BMERB1: variants seen among roughly 807,000 people sequenced by gnomAD.
BMERB1 encodes bMERB domain-containing protein 1.
BMERB1 carries 12 observed loss-of-function variants against 23.6 expected under a neutral mutation model. The ratio of observed to expected loss-of-function variants is 0.51; its 90% CI spans 0.33 to 0.82. BMERB1 has a LOEUF of 0.82. Among genes scored for constraint, BMERB1 ranks in the 40% least tolerant of loss-of-function variants. The pLI is 0.03. For synonymous variants in BMERB1, 122 were observed against 96.6 expected (o/e 1.26, Z -1.54); for missense variants, 247 against 255.4 (o/e 0.97, Z 0.22).
intron 1 of BMERB1, among the ~76,000 whole-genome samples, chr16:15,476,757 C>T (rs554993725): frequency 3.3e-5 from 5 of 152,294 alleles, no homozygotes; most frequent in African/African-American, 1.2e-4. Flanking sequence ...ACCCTGATGA[C>T]ATGGCTGTGG....
At chr16:15,549,340 T>C (rs1219823902) in intron 2 of BMERB1, among the ~76,000 whole-genome samples, 1 of 125,894 alleles carries the variant, frequency 7.9e-6, no homozygotes, top group Non-Finnish European at 1.6e-5. Context: ...GCAAGCAAGA[T>C]TCTATCTCAA....
intron 2 of BMERB1, among the ~76,000 whole-genome samples, chr16:15,559,158 G>A (rs894414480): frequency 5.9e-5 from 9 of 152,064 alleles, no homozygotes; most frequent in African/African-American, 2.2e-4. Flanking sequence ...TGACACATAC[G>A]TGACTATGGT....
chr16:15,506,599 A>G (rs2051594599), intron 1 of BMERB1, among the ~76,000 whole-genome samples: 1 of 152,144 alleles, frequency 6.6e-6, no homozygotes, highest in Admixed American at 6.6e-5. Context: ...ATATGTGGAC[A>G]ATGAGATGCC....
At chr16:15,461,387 A>T (rs78896714) in intron 1 of BMERB1, among the ~76,000 whole-genome samples, 1 of 152,052 alleles carries the variant, frequency 6.6e-6, no homozygotes, top group Non-Finnish European at 1.5e-5. Context: ...GTTGGTTCCC[A>T]TCTTACCGAA....
intron 1 of BMERB1, among the ~76,000 whole-genome samples, chr16:15,479,401 A>G (rs1462915259): frequency 6.6e-6 from 1 of 152,232 alleles, no homozygotes; most frequent in Non-Finnish European, 1.5e-5. Context: ...AGACCAATGA[A>G]TTCTCATGTA....
intron 2 of BMERB1, among the ~76,000 whole-genome samples, chr16:15,524,157 C>A (rs1480756859): frequency 6.6e-6 from 1 of 152,188 alleles, no homozygotes; most frequent in Non-Finnish European, 1.5e-5. Context: ...AGCTCTGCGT[C>A]ACTTTAGTTG....
At chr16:15,582,724 G>A (rs1362112344) in intron 4 of BMERB1, among the ~76,000 whole-genome samples, 1 of 152,090 alleles carries the variant, frequency 6.6e-6, no homozygotes, top group East Asian at 1.9e-4. Context: ...TCTCTTCAAG[G>A]CAGTTCAGCA....
At chr16:15,520,673 G>C (rs2051841334) in intron 2 of BMERB1, among the ~76,000 whole-genome samples, 1 of 151,814 alleles carries the variant, frequency 6.6e-6, no homozygotes, top group South Asian at 2.1e-4. Flanking sequence ...TTTTTTAGTA[G>C]AGACGGGGTT....
chr16:15,528,538 C>T (rs1392229871), intron 2 of BMERB1, among the ~76,000 whole-genome samples: 2 of 152,068 alleles, frequency 1.3e-5, no homozygotes, highest in Non-Finnish European at 2.9e-5. Context: ...TTCTTTTCTT[C>T]ATCCATTCCT....
chr16:15,505,298 G>A (rs574504748), intron 1 of BMERB1, among the ~76,000 whole-genome samples: 3 of 152,284 alleles, frequency 2.0e-5, no homozygotes, highest in African/African-American at 7.2e-5. Flanking sequence ...TTCCCTTCAG[G>A]AAAGCTACGC....
intron 3 of BMERB1, chr16:15,577,372 T>C (rs565436240): frequency 1.3e-5 from 2 of 152,328 alleles, no homozygotes; most frequent in East Asian, 3.9e-4. Context: ...CTAAATAATT[T>C]CTTCTTCACT....
At chr16:15,532,121 C>T (rs1468452576) in intron 2 of BMERB1, among the ~76,000 whole-genome samples, 1 of 152,202 alleles carries the variant, frequency 6.6e-6, no homozygotes, top group Admixed American at 6.5e-5. Flanking sequence ...TCTACTGTGT[C>T]TGTCCTCAGT....
chr16:15,546,393 A>G (rs1188601124), intron 2 of BMERB1, among the ~76,000 whole-genome samples: 4 of 152,166 alleles, frequency 2.6e-5, no homozygotes, highest in Non-Finnish European at 4.4e-5. Flanking sequence ...TTTTTCCAAG[A>G]GCATTATGCT....
At chr16:15,483,207 C>G (rs73505548) in intron 1 of BMERB1, among the ~76,000 whole-genome samples, 4,242 of 152,146 alleles carry the variant, frequency 0.028, 186 homozygotes, top group South Asian at 0.11. Flanking sequence ...AATTTTTCCA[C>G]TGTTATAAAG....
intron 3 of BMERB1, among the ~76,000 whole-genome samples, chr16:15,580,735 C>T (rs183114851): frequency 5.5e-4 from 83 of 151,408 alleles, no homozygotes; most frequent in Middle Eastern, 3.5e-3. Flanking sequence ...TTAGTAGAGA[C>T]GGGGTTCCAC....
intron 1 of BMERB1, among the ~76,000 whole-genome samples, chr16:15,441,180 A>G (rs971045624): frequency 1.1e-4 from 17 of 152,214 alleles, no homozygotes; most frequent in African/African-American, 4.1e-4. Context: ...AAACTGCTAA[A>G]AAATTTTAAT....
chr16:15,535,199 T>C (rs1312946958), intron 2 of BMERB1, among the ~76,000 whole-genome samples: 1 of 151,832 alleles, frequency 6.6e-6, no homozygotes, highest in Non-Finnish European at 1.5e-5. Context: ...AAAAACTAAA[T>C]AATTAGCTGG....
Position 15,587,563 on chromosome 16 carries a change from G to A in BMERB1, c.*734G>A. ...GATCCAGTGTGCAGAAGAGCCAGCA[G>A]GGAACCGGAAGCTCTGATGTCAAGG... On this transcript the variant is annotated 3_prime_UTR_variant, in exon 6 of 6. Coordinates refer to ENST00000300006, the MANE Select transcript of BMERB1 (RefSeq NM_033201.3). 2 of 453,076 alleles carry A rather than the reference G, an allele frequency of 4.4e-6. No individual in the cohort carries two copies. The highest frequency in any genetic ancestry group is 8.9e-6 in the Non-Finnish European group (2 of 224,686). 28.1% of individuals were successfully genotyped at this position (453,076 alleles called of 1,614,324 possible).
At chr16:15,448,153 G>A (rs1044988305) in intron 1 of BMERB1, 4 of 312,412 alleles carry the variant, frequency 1.3e-5, no homozygotes, top group Admixed American at 4.3e-5. Context: ...GCCTGCCAAC[G>A]CGCTGGGATT....
Sources: gnomAD v4.1 joint callset for allele counts (sites outside exome capture counted in the v4.1 genomes callset) on GRCh38, gnomAD v4.1.1 for gene constraint, MANE v1.5 for transcripts, NCBI Gene and HGNC (gene_info 2026-07-23, HGNC 2026-07-21) for gene names.